Variants in C12orf42 observed in about 807,000 individuals in gnomAD.
The protein encoded by C12orf42 is uncharacterized protein C12orf42.
A neutral mutation model predicts 21.6 loss-of-function variants in C12orf42; 25 were observed. The ratio of observed to expected loss-of-function variants is 1.16; its 90% CI spans 0.84 to 1.62. The LOEUF is 1.62. C12orf42 is among the 40% of genes most tolerant of loss of function. C12orf42 has a pLI of 0.00. For missense variants in C12orf42, 483 were observed against 459.3 expected, an observed-to-expected ratio of 1.05 and a Z score of -0.47; for synonymous variants, 174 against 175.0, an observed-to-expected ratio of 0.99 and a Z score of 0.05.
intron 5 of C12orf42, 108 bp downstream of exon 5, chr12:103,305,866 G>T (rs7488894): frequency 7.5e-7 from 1 of 1,333,834 alleles, no homozygotes; most frequent in Non-Finnish European, 1.0e-6. Flanking sequence ...GTACCTTCTA[G>T]AATAGGACTG....
At chr12:103,517,478 ATGT>A in the C12orf42 span, among the ~76,000 whole-genome samples, 1 of 152,244 alleles carries the variant, frequency 6.6e-6, no homozygotes, top group African/African-American at 2.4e-5. Context: ...CAAACATGAA[ATGT>A]TGTCAGTCCA....
At chr12:103,123,973 G>A in the C12orf42 span, among the ~76,000 whole-genome samples, 20 of 151,746 alleles carry the variant, frequency 1.3e-4, no homozygotes, top group African/African-American at 3.4e-4. Context: ...ATTTATCTCC[G>A]TTTTACTTGA....
At chr12:103,048,607 T>C in the C12orf42 span, among the ~76,000 whole-genome samples, 3 of 152,092 alleles carry the variant, frequency 2.0e-5, no homozygotes, top group African/African-American at 7.2e-5. Context: ...GGGATAATAA[T>C]AACAACCTCA....
chr12:103,520,427 G>T, the C12orf42 span, among the ~76,000 whole-genome samples: 182 of 152,160 alleles, frequency 1.2e-3, no homozygotes, highest in African/African-American at 4.0e-3. Flanking sequence ...AGTGGCTCAT[G>T]CCTGTAATCC....
At chr12:103,245,569 C>T (rs1229240976) in intron 10 of C12orf42, among the ~76,000 whole-genome samples, 1 of 151,936 alleles carries the variant, frequency 6.6e-6, no homozygotes, top group Non-Finnish European at 1.5e-5. Context: ...ATGCCAGGAG[C>T]ACTCTAAGCA....
chr12:103,545,463 C>T, the C12orf42 span, among the ~76,000 whole-genome samples: 2 of 152,076 alleles, frequency 1.3e-5, no homozygotes, highest in Non-Finnish European at 2.9e-5. Flanking sequence ...TGTATTTGGT[C>T]ACTTCAGAAT....
intron 2 of C12orf42, among the ~76,000 whole-genome samples, chr12:103,466,804 A>G (rs1395949425): frequency 2.6e-5 from 4 of 152,204 alleles, no homozygotes; most frequent in Admixed American, 1.3e-4. Context: ...AGCAAATGCA[A>G]ACACAAGCAT....
intron 2 of C12orf42, among the ~76,000 whole-genome samples, chr12:103,414,107 T>C (rs982385278): frequency 2.0e-5 from 3 of 152,234 alleles, no homozygotes; most frequent in African/African-American, 7.2e-5. Flanking sequence ...CCACCAGCAG[T>C]GTAAAAGTGT....
chr12:103,420,857 A>T (rs1236036219), intron 2 of C12orf42, among the ~76,000 whole-genome samples: 2 of 152,196 alleles, frequency 1.3e-5, no homozygotes, highest in Non-Finnish European at 2.9e-5. Context: ...GTAGATTGAC[A>T]CGACCATTGG....
At chr12:103,296,831 T>G (rs1008746211) in intron 4 of C12orf42, among the ~76,000 whole-genome samples, 1 of 152,238 alleles carries the variant, frequency 6.6e-6, no homozygotes, top group Non-Finnish European at 1.5e-5. Flanking sequence ...CTGATGGTAG[T>G]TTCTTTTGCT....
At chr12:103,098,812 A>G in the C12orf42 span, among the ~76,000 whole-genome samples, 13 of 152,248 alleles carry the variant, frequency 8.5e-5, no homozygotes, top group African/African-American at 3.1e-4. Context: ...TCCACCTATA[A>G]TAATGCCTAC....
chr12:103,182,509 T>C, the C12orf42 span, among the ~76,000 whole-genome samples: 1 of 152,176 alleles, frequency 6.6e-6, no homozygotes, highest in East Asian at 1.9e-4. Context: ...GTGATAGCAT[T>C]GCATTCAGTA....
At chr12:103,330,099 T>G (rs1333882150) in intron 4 of C12orf42, among the ~76,000 whole-genome samples, 2 of 152,312 alleles carry the variant, frequency 1.3e-5, no homozygotes, top group East Asian at 1.9e-4. Context: ...TGAAGTATAA[T>G]TAGCAAATAA....
chr12:103,245,144 T>C (rs1481824325), intron 10 of C12orf42, among the ~76,000 whole-genome samples: 1 of 152,086 alleles, frequency 6.6e-6, no homozygotes, highest in Non-Finnish European at 1.5e-5. Context: ...TGAGCCCCAT[T>C]CCAACAGTGT....
intron 1 of C12orf42, among the ~76,000 whole-genome samples, chr12:103,491,952 GTT>G (rs34412956): frequency 1.4e-5 from 1 of 71,498 alleles, no homozygotes. Flanking sequence ...TTTCAATTTT[GTT>G]TTTTTTTTGT....
At chr12:103,366,578 T>C (rs1439760397) in intron 4 of C12orf42, among the ~76,000 whole-genome samples, 1 of 152,020 alleles carries the variant, frequency 6.6e-6, no homozygotes. Context: ...GAGAAAGGAC[T>C]AATATCCAGA....
intron 2 of C12orf42, among the ~76,000 whole-genome samples, chr12:103,437,691 CA>C (rs967716910): frequency 6.6e-6 from 1 of 150,992 alleles, no homozygotes; most frequent in African/African-American, 2.4e-5. Flanking sequence ...TACACTCTCC[CA>C]AAACTAAACC....
intron 4 of C12orf42, among the ~76,000 whole-genome samples, chr12:103,322,125 GCACACA>G (rs34616179): frequency 0.016 from 1,433 of 90,534 alleles, 15 homozygotes; most frequent in East Asian, 0.054. Context: ...GCGCGCGCGC[GCACACA>G]CACACACACA....
At chr12:103,467,262 T>C (rs1210003056) in intron 2 of C12orf42, among the ~76,000 whole-genome samples, 7 of 152,228 alleles carry the variant, frequency 4.6e-5, no homozygotes, top group Admixed American at 2.0e-4. Flanking sequence ...TATGCACATA[T>C]TGACCTAATC....
Sources: gnomAD v4.1 joint callset for allele counts (sites outside exome capture counted in the v4.1 genomes callset) on GRCh38, gnomAD v4.1.1 for gene constraint, MANE v1.5 for transcripts, NCBI Gene and HGNC (gene_info 2026-07-23, HGNC 2026-07-21) for gene names.